The following GRM6 variants were observed in gnomAD, a reference collection of about 807,000 sequenced individuals.
GRM6 encodes glutamate metabotropic receptor 6, also known as metabotropic glutamate receptor 6.
In GRM6, 73 loss-of-function variants were observed where a neutral mutation model predicts 78.4. That is an observed-to-expected ratio of 0.93 (90% CI 0.77 to 1.13). The LOEUF (loss-of-function observed/expected upper bound fraction) is 1.13. Among genes scored for constraint, GRM6 ranks in the 50% most tolerant of loss-of-function variants. The pLI is 0.00. For missense variants in GRM6, 1,251 were observed against 1,256.4 expected, an observed-to-expected ratio of 1.00 and a Z score of 0.07; for synonymous variants, 580 against 555.0, an observed-to-expected ratio of 1.05 and a Z score of -0.63.
chr5:178,988,925 AC>A lies in GRM6; in HGVS notation c.1354+9del. On this transcript the variant is annotated intron_variant, in intron 7 of 10. Transcript: ENST00000517717. The surrounding 1 kb of genome is among the most constrained non-coding windows in gnomAD (Gnocchi z 6.0). ...CCTTCACTGCTGCAGGGGGGCAGGCACCCACTCACCATTGAAGCGGACAGCT... is the reference window on the plus strand; with the variant it reads ...CCTTCACTGCTGCAGGGGGGCAGGCACCACTCACCATTGAAGCGGACAGCT... The A allele has an allele frequency of 6.2e-7, 1 of 1,606,294 alleles. No homozygotes were observed. Among genetic ancestry groups the A allele is most frequent in the South Asian group, 1.1e-5 (1 of 90,646 alleles).
chr5:178,983,838 G>A (rs2856348), intron 9 of GRM6, among the ~76,000 whole-genome samples: 32,227 of 152,134 alleles, frequency 0.21, 4,021 homozygotes, highest in Non-Finnish European at 0.28. Flanking sequence ...GAACAGGAAC[G>A]AAGCCACCTG....
At chr5:178,989,202 C>CCCCTCCCCACCCTCACCA in intron 6 of GRM6, 63 bp downstream of exon 6, 5 of 1,317,358 alleles carry the variant, frequency 3.8e-6, no homozygotes, top group Admixed American at 1.9e-5. Context: ...TCCCGCCTTC[C>CCCCTCCCCACCCTCACCA]CCCTCCCCAC....
At position 178,994,558 on chromosome 5, in the gene GRM6, G is replaced by C. The variant is rs1760738194; in HGVS notation, c.387C>G (p.Arg129=). ...GRGDGDEVGV[R]CPGGVPPLRP... is the part of the protein sequence containing the mutation. ...GCAGCGGAGGGACGCCTCCCGGGCA[G>C]CGCACGCCCACCTCGTCGCCGTCGC... Residue 129 remains arginine (R), a synonymous_variant, in exon 2 of 11, where the codon CGC becomes CGG. Coordinates refer to ENST00000517717, the MANE Select transcript of GRM6 (RefSeq NM_000843.4). 4.5e-6 allele frequency: 6 copies of C among 1,338,600 alleles called. No individual in the cohort carries two copies. Among genetic ancestry groups the C allele is most frequent in the Admixed American group, 3.8e-5 (1 of 26,136 alleles). The allele number at this position is 1,338,600 out of a possible 1,614,324, so 82.9% of individuals were successfully genotyped here.
chr5:178,986,405 G>C lies in GRM6; in HGVS notation c.1849C>G (p.Arg617Gly). Residue 617 changes from arginine to glycine, a missense_variant, in exon 9 of 11, where the codon CGG becomes GGG. By Grantham distance (125) the Arg-to-Gly change is moderately radical. Coordinates refer to ENST00000517717, the MANE Select transcript of GRM6 (RefSeq NM_000843.4). ...TAGCTGAGCTCTCGGCCCGAGGCCC[G>C]GACGATGGGCGTGTTGTTGTACCGC... ...FVRYNNTPIV[R>G]ASGRELSYVL... 1.9e-6 allele frequency: 3 copies of C among 1,613,814 alleles called. No individual in the cohort carries two copies. Among genetic ancestry groups the C allele is most frequent in the Non-Finnish European group, 1.7e-6 (2 of 1,180,006 alleles).
chr5:178,986,589 G>C lies in GRM6; in HGVS notation c.1665C>G (p.Cys555Trp). 1 of 1,605,986 alleles carries C rather than the reference G, an allele frequency of 6.2e-7. No homozygotes were observed. The highest frequency in any genetic ancestry group is 8.5e-7 in the Non-Finnish European group (1 of 1,179,844). Reference sequence around the variant, plus strand: ...GCCTCATGTCCCCAGGACAGGCCTCGCATGTGAACTCGTCCACCTGGAAGC... The same window carrying C: ...GCCTCATGTCCCCAGGACAGGCCTCCCATGTGAACTCGTCCACCTGGAAGC... ...GYRFQVDEFT[C>W]EACPGDMRPT... The change falls in exon 9 of 11, where the codon TGC becomes TGG. Residue 555 changes from cysteine (C) to tryptophan (W), a missense_variant. Transcript: ENST00000517717.
rs1760698340 is a variant in GRM6, at chr5:178,992,519, G to C, written c.505-436C>G. Reference sequence around the variant, plus strand: ...CGCAGGGACAGGCAGCCCTAGGAGGGATTAGGGCAGACAGGGGAGCAGCAG... The same window carrying C: ...CGCAGGGACAGGCAGCCCTAGGAGGCATTAGGGCAGACAGGGGAGCAGCAG... On this transcript the variant is annotated intron_variant, in intron 2 of 10. Coordinates refer to ENST00000517717, the MANE Select transcript of GRM6 (RefSeq NM_000843.4). The surrounding 1 kb of genome is among the most constrained non-coding windows in gnomAD (Gnocchi z 4.9). 8.9e-6 allele frequency: 3 copies of C among 336,984 alleles called. No individual in the cohort carries two copies. Among genetic ancestry groups the C allele is most frequent in the Non-Finnish European group, 1.8e-5 (3 of 168,846 alleles). The allele number at this position is 336,984 out of a possible 1,614,324, so 20.9% of individuals were successfully genotyped here.
At position 178,989,363 on chromosome 5, in the gene GRM6, C is replaced by T. The variant is rs752378620; in HGVS notation, c.1055G>A (p.Arg352His). Residue 352 changes from arginine (R) to histidine (H), a missense_variant, in exon 6 of 11, where the codon CGC becomes CAC. Physicochemically the swap from Arg to His is conservative, Grantham distance 29 (BLOSUM62 0). Coordinates refer to ENST00000517717, the MANE Select transcript of GRM6 (RefSeq NM_000843.4). ...GAACTCGGCGAACCAGATGTTCCTGCGGTTGTTCTCCAGGGATCGAGTCAT... is the reference window on the plus strand; with the variant it reads ...GAACTCGGCGAACCAGATGTTCCTGTGGTTGTTCTCCAGGGATCGAGTCAT... The part of the protein sequence containing the change: ...YFMTRSLENN[R>H]RNIWFAEFWE... 15 of 1,613,628 alleles carry T rather than the reference C, an allele frequency of 9.3e-6. No homozygotes were observed. Among genetic ancestry groups the T allele is most frequent in the Admixed American group, 6.7e-5 (4 of 60,004 alleles).
In GRM6 at chr5:178,988,012, G is replaced by A. The variant is rs780847802; in HGVS notation, c.1354+923C>T. 3.9e-4 allele frequency among the ~76,000 whole-genome samples: 59 copies of A among 152,006 alleles called. No individual in the cohort carries two copies. The highest frequency in any genetic ancestry group is 1.1e-3 in the Admixed American group (17 of 15,274). Reference sequence around the variant, plus strand: ...TGACCTCAAGTGATCCACCTGTCTCGGCCTCCCAAAGTGCTCAGATTACAG... The same window carrying A: ...TGACCTCAAGTGATCCACCTGTCTCAGCCTCCCAAAGTGCTCAGATTACAG... On this transcript the variant is annotated intron_variant, in intron 7 of 10. Transcript: ENST00000517717. This position sits in a 1 kb window ranked among gnomAD's most constrained non-coding sequence, Gnocchi z 6.0.
chr5:178,987,853 G>A (rs897025847), intron 7 of GRM6, among the ~76,000 whole-genome samples: 6 of 150,732 alleles, frequency 4.0e-5, no homozygotes, highest in Admixed American at 6.6e-5. Flanking sequence ...TCTGCCTCCC[G>A]GGTTCAAGCA....
chr5:178,985,691 A>G (rs1261707343), intron 9 of GRM6: 3 of 393,712 alleles, frequency 7.6e-6, no homozygotes, highest in East Asian at 7.6e-5. Flanking sequence ...CGACACAGCG[A>G]GACTCTGTCT....
At chr5:178,985,377 G>C in intron 9 of GRM6, 1 of 390,688 alleles carries the variant, frequency 2.6e-6, no homozygotes, top group South Asian at 1.8e-5. Context: ...TGTCACAGGA[G>C]GGGAGGGGCT....
intron 2 of GRM6, among the ~76,000 whole-genome samples, chr5:178,993,276 A>C (rs530559946): frequency 6.6e-6 from 1 of 152,124 alleles, no homozygotes; most frequent in Non-Finnish European, 1.5e-5. Context: ...TGAGTCCCCA[A>C]CTGGGCCCCT....
Position 178,981,201 on chromosome 5 carries a change from T to TTAAAAAA in GRM6, c.*455_*456insTTTTTTA. 5.3e-6 allele frequency: 1 copy of TTAAAAAA among 189,816 alleles called. No homozygotes were observed. Among genetic ancestry groups the TTAAAAAA allele is most frequent in the Non-Finnish European group, 1.1e-5 (1 of 91,070 alleles). 11.8% of individuals were successfully genotyped at this position (189,816 alleles called of 1,614,324 possible). A position where few individuals can be genotyped will look rare whatever the true frequency, so the allele number is the denominator to read the frequency against. ...TCCAGATGCACAGCCCCAGGTCTCCTCTTGCTGAGACAGCTCCTCCTCCAC... is the reference window on the plus strand; with the variant it reads ...TCCAGATGCACAGCCCCAGGTCTCCTTAAAAAACTTGCTGAGACAGCTCCTCCTCCAC... On this transcript the variant is annotated 3_prime_UTR_variant, in exon 11 of 11. Coordinates refer to ENST00000517717, the MANE Select transcript of GRM6 (RefSeq NM_000843.4). This position sits in a 1 kb window ranked among gnomAD's most constrained non-coding sequence, Gnocchi z 5.1.
intron 9 of GRM6, among the ~76,000 whole-genome samples, chr5:178,984,971 C>T (rs566579345): frequency 2.2e-4 from 33 of 152,204 alleles, no homozygotes; most frequent in Middle Eastern, 6.8e-3. Flanking sequence ...ACATCCAGGG[C>T]GCCCCAGACT....
chr5:178,993,280 G>A (rs1422314320), intron 2 of GRM6, among the ~76,000 whole-genome samples: 1 of 152,156 alleles, frequency 6.6e-6, no homozygotes, highest in African/African-American at 2.4e-5. Context: ...TCCCCAACTG[G>A]GCCCCTGAAG....
At chr5:178,982,227 G>A (rs562563029) in intron 10 of GRM6, among the ~76,000 whole-genome samples, 5 of 152,172 alleles carry the variant, frequency 3.3e-5, no homozygotes, top group African/African-American at 4.8e-5. Context: ...ATATTCTGCC[G>A]CATACGTGAA....
chr5:178,986,384 T>C lies in GRM6; in HGVS notation c.1870A>G (p.Ser624Gly). 3 of 1,613,988 alleles carry C rather than the reference T, an allele frequency of 1.9e-6. No homozygotes were observed. Among genetic ancestry groups the C allele is most frequent in the Non-Finnish European group, 2.5e-6 (3 of 1,180,024 alleles). ...AAGATGCCGGTGAGGAGGACGTAGC[T>C]GAGCTCTCGGCCCGAGGCCCGGACG... Reference protein sequence around the residue: ...PIVRASGRELSYVLLTGIFLI... With the variant: ...PIVRASGRELGYVLLTGIFLI... The change falls in exon 9 of 11, where the codon AGC becomes GGC. Residue 624 changes from serine (S) to glycine (G), a missense_variant. Transcript: ENST00000517717.
chr5:178,983,451 C>A, intron 9 of GRM6: 1 of 693,658 alleles, frequency 1.4e-6, no homozygotes, highest in Non-Finnish European at 2.6e-6. Flanking sequence ...CTGGCAGCTG[C>A]GGAGAAGGGC....
At chr5:178,989,516 G>A in intron 5 of GRM6, 111 bp from the exon 6 acceptor site, 1 of 1,360,304 alleles carries the variant, frequency 7.4e-7, no homozygotes, top group Non-Finnish European at 1.0e-6. Flanking sequence ...GGTGAGCTAG[G>A]AGTGGCCAGG....
Sources: allele counts gnomAD v4.1 joint callset (sites outside exome capture counted in the v4.1 genomes callset), GRCh38; gene constraint gnomAD v4.1.1; non-coding constraint Gnocchi (gnomAD v3.1); transcripts MANE v1.5; gene names NCBI Gene and HGNC (gene_info 2026-07-23, HGNC 2026-07-21).